SCD5: variants seen among roughly 807,000 people sequenced by gnomAD.
The protein encoded by SCD5 is stearoyl-CoA desaturase 5.
SCD5 carries 20 observed loss-of-function variants against 30.4 expected under a neutral mutation model. The ratio of observed to expected loss-of-function variants is 0.66; its 90% CI spans 0.46 to 0.96. The LOEUF (loss-of-function observed/expected upper bound fraction) is 0.96, where lower values mean the gene tolerates loss of function less well. Ranked by LOEUF, SCD5 falls within the 40% of genes least tolerant of loss-of-function variation. The pLI is 0.00. For synonymous variants in SCD5, 173 were observed against 176.4 expected (o/e 0.98, Z 0.16); for missense variants, 381 against 443.3 (o/e 0.86, Z 1.26).
chr4:82,774,789 C>T (rs1414323236), intron 1 of SCD5, among the ~76,000 whole-genome samples: 1 of 152,230 alleles, frequency 6.6e-6, no homozygotes, highest in Non-Finnish European at 1.5e-5. Flanking sequence ...CTTCCACCCA[C>T]TCTGTCTTCC....
rs145302565 is a variant in SCD5, at chr4:82,653,500, T to C, written c.570-16677A>G. On this transcript the variant is annotated intron_variant, in intron 3 of 4. Transcript: ENST00000319540. ...TCACTACCACCTGGGATTCTAAGAC[T>C]CTTAACATCACATTTTCCCCCTAAA... 2.6e-4 allele frequency among the ~76,000 whole-genome samples: 40 copies of C among 152,224 alleles called. 1 individual carries two copies. In the East Asian group the frequency reaches 7.5e-3, roughly 29 times the overall value.
At chr4:82,790,059 T>C (rs1357306109) in intron 1 of SCD5, among the ~76,000 whole-genome samples, 1 of 152,110 alleles carries the variant, frequency 6.6e-6, no homozygotes, top group Non-Finnish European at 1.5e-5. Context: ...CTCAGCTCCA[T>C]GCAGCCTGAG....
chr4:82,729,565 T>C (rs1240394134), intron 1 of SCD5, among the ~76,000 whole-genome samples: 1 of 152,126 alleles, frequency 6.6e-6, no homozygotes, highest in Non-Finnish European at 1.5e-5. Context: ...ATTTTTTGAA[T>C]TGACGGAAGG....
At position 82,724,343 on chromosome 4, in the gene SCD5, A is replaced by G. The variant is rs556119519; in HGVS notation, c.233-18930T>C. On this transcript the variant is annotated intron_variant, in intron 1 of 4. Transcript: ENST00000319540. ...GGCTAAACCTTGCTTTAGGCCAGGC[A>G]TGGTGGCTCACACCTGTAATCCCAG... 4.5e-4 allele frequency among the ~76,000 whole-genome samples: 69 copies of G among 152,334 alleles called. 1 individual carries two copies. In the South Asian group the frequency reaches 0.014, roughly 30 times the overall value.
intron 1 of SCD5, among the ~76,000 whole-genome samples, chr4:82,717,921 T>G (rs886237193): frequency 7.4e-6 from 1 of 135,148 alleles, no homozygotes; most frequent in Non-Finnish European, 1.6e-5. Flanking sequence ...CTCTCAAAAA[T>G]AAAATAAAAT....
At chr4:82,722,013 A>G (rs1023724772) in intron 1 of SCD5, among the ~76,000 whole-genome samples, 13 of 152,226 alleles carry the variant, frequency 8.5e-5, no homozygotes, top group African/African-American at 2.7e-4. Flanking sequence ...CACTGGGGAC[A>G]GTGGGTGGCA....
At chr4:82,762,207 G>A (rs1438318743) in intron 1 of SCD5, among the ~76,000 whole-genome samples, 1 of 141,468 alleles carries the variant, frequency 7.1e-6, no homozygotes, top group Non-Finnish European at 1.5e-5. Flanking sequence ...GGGAGGGGAG[G>A]GGGAGAGGAG....
intron 1 of SCD5, 107 bp downstream of exon 1, chr4:82,798,199 G>A: frequency 8.9e-7 from 1 of 1,119,260 alleles, no homozygotes; most frequent in Non-Finnish European, 1.1e-6. Flanking sequence ...GGGGAGACCG[G>A]GGGTCGCTGC....
chr4:82,671,417 C>T (rs1052862797), intron 3 of SCD5, among the ~76,000 whole-genome samples: 8 of 152,174 alleles, frequency 5.3e-5, no homozygotes, highest in Non-Finnish European at 1.0e-4. Context: ...CAGGCTACTT[C>T]ATCCAGCAAT....
At chr4:82,761,231 C>A (rs1721357046) in intron 1 of SCD5, among the ~76,000 whole-genome samples, 1 of 152,218 alleles carries the variant, frequency 6.6e-6, no homozygotes, top group African/African-American at 2.4e-5. Context: ...TCATACAAAT[C>A]ATTAGAGCAG....
At chr4:82,708,662 T>A (rs1359536283) in intron 1 of SCD5, among the ~76,000 whole-genome samples, 2 of 152,198 alleles carry the variant, frequency 1.3e-5, no homozygotes, top group East Asian at 3.8e-4. Context: ...CTGTCCTGAT[T>A]TCCCTATTTG....
intron 1 of SCD5, among the ~76,000 whole-genome samples, chr4:82,730,785 C>T (rs892719449): frequency 1.3e-5 from 2 of 152,048 alleles, no homozygotes; most frequent in African/African-American, 2.4e-5. Context: ...GGGGTTTCAC[C>T]ATGTTAGCCA....
chr4:82,772,634 C>G (rs763933797), intron 1 of SCD5, among the ~76,000 whole-genome samples: 2 of 152,188 alleles, frequency 1.3e-5, no homozygotes, highest in African/African-American at 2.4e-5. Flanking sequence ...CTGGGCCTCT[C>G]TCTCTACTGG....
intron 3 of SCD5, among the ~76,000 whole-genome samples, chr4:82,649,098 A>G (rs4459983): frequency 0.76 from 114,895 of 151,404 alleles, 44,463 homozygotes; most frequent in East Asian, 0.99. Flanking sequence ...TTTTCACTCC[A>G]CTATGTGTAT....
chr4:82,757,096 T>A (rs911724604), intron 1 of SCD5, among the ~76,000 whole-genome samples: 1 of 152,060 alleles, frequency 6.6e-6, no homozygotes, highest in Non-Finnish European at 1.5e-5. Flanking sequence ...CCAAACTTCT[T>A]AGTGTGACAC....
intron 1 of SCD5, among the ~76,000 whole-genome samples, chr4:82,728,085 T>C (rs908736167): frequency 1.3e-5 from 2 of 152,168 alleles, no homozygotes; most frequent in Admixed American, 6.5e-5. Flanking sequence ...AGTTAGTCTA[T>C]AGGTTAGCCT....
intron 1 of SCD5, among the ~76,000 whole-genome samples, chr4:82,744,207 C>A (rs1269937103): frequency 6.6e-6 from 1 of 152,162 alleles, no homozygotes; most frequent in African/African-American, 2.4e-5. Context: ...TTTACAATTT[C>A]TCCCAAATAT....
chr4:82,738,288 G>T (rs1720796370), intron 1 of SCD5, among the ~76,000 whole-genome samples: 1 of 152,090 alleles, frequency 6.6e-6, no homozygotes, highest in South Asian at 2.1e-4. Context: ...TGGGTGTGGT[G>T]GCGTGCGTCT....
intron 1 of SCD5, among the ~76,000 whole-genome samples, chr4:82,725,177 TA>T (rs1339857028): frequency 1.3e-5 from 2 of 152,192 alleles, no homozygotes; most frequent in African/African-American, 2.4e-5. Flanking sequence ...GTTGCTTTAA[TA>T]AATAACTCCC....
Sources: gnomAD v4.1 joint callset for allele counts (sites outside exome capture counted in the v4.1 genomes callset) on GRCh38, gnomAD v4.1.1 for gene constraint, MANE v1.5 for transcripts, NCBI Gene and HGNC (gene_info 2026-07-23, HGNC 2026-07-21) for gene names.